The following LINGO2 variants were observed in gnomAD, a reference collection of about 807,000 sequenced individuals.
LINGO2 encodes the protein leucine-rich repeat and immunoglobulin-like domain-containing nogo receptor-interacting protein 2.
A neutral mutation model predicts 30.6 loss-of-function variants in LINGO2; 14 were observed. The observed-to-expected ratio is 0.46, with a 90% CI of 0.30 to 0.72. The LOEUF (loss-of-function observed/expected upper bound fraction) is 0.72, where lower values mean the gene tolerates loss of function less well. LINGO2 is among the 30% of genes least tolerant of loss of function. The pLI is 0.07. For synonymous variants in LINGO2, 317 were observed against 288.5 expected (o/e 1.10, Z -1.00); for missense variants, 729 against 751.7 (o/e 0.97, Z 0.35).
chr9:28,687,707 C>G, the LINGO2 span, among the ~76,000 whole-genome samples: 1 of 152,060 alleles, frequency 6.6e-6, no homozygotes, highest in Non-Finnish European at 1.5e-5. Flanking sequence ...AATGCATGCT[C>G]AAGCTCAATA....
chr9:28,610,435 A>C (rs1825867132), intron 1 of LINGO2, among the ~76,000 whole-genome samples: 1 of 152,120 alleles, frequency 6.6e-6, no homozygotes, highest in African/African-American at 2.4e-5. Context: ...CGTAATCCCC[A>C]ATGTACTAAT....
chr9:28,540,894 G>C (rs1335322002), intron 1 of LINGO2, among the ~76,000 whole-genome samples: 1 of 152,178 alleles, frequency 6.6e-6, no homozygotes, highest in Non-Finnish European at 1.5e-5. Flanking sequence ...ACTGTGATCA[G>C]AGTGTACATT....
chr9:28,945,493 C>T, the LINGO2 span, among the ~76,000 whole-genome samples: 26 of 152,176 alleles, frequency 1.7e-4, no homozygotes, highest in Admixed American at 1.4e-3. Context: ...TTAACAGTTA[C>T]GTAATAAAAT....
At chr9:28,630,456 G>A (rs909750949) in intron 1 of LINGO2, among the ~76,000 whole-genome samples, 5 of 151,860 alleles carry the variant, frequency 3.3e-5, no homozygotes, top group African/African-American at 4.8e-5. Context: ...TGTCACTGTT[G>A]AGTTTTTCTT....
chr9:28,869,441 G>C, the LINGO2 span, among the ~76,000 whole-genome samples: 2 of 151,962 alleles, frequency 1.3e-5, no homozygotes, highest in South Asian at 2.1e-4. Flanking sequence ...AACAAGGAGT[G>C]GGGGGAGGGG....
chr9:28,137,141 G>C (rs923569455), intron 4 of LINGO2, among the ~76,000 whole-genome samples: 1 of 151,506 alleles, frequency 6.6e-6, no homozygotes, highest in Admixed American at 6.6e-5. Flanking sequence ...ATAATCTTGT[G>C]AGCCAATACC....
At chr9:28,713,191 C>G in the LINGO2 span, among the ~76,000 whole-genome samples, 1 of 152,062 alleles carries the variant, frequency 6.6e-6, no homozygotes, top group Non-Finnish European at 1.5e-5. Context: ...CGCTTCAATA[C>G]TTATTTTTTT....
intron 2 of LINGO2, among the ~76,000 whole-genome samples, chr9:28,441,215 T>G (rs1824178948): frequency 7.2e-6 from 1 of 139,216 alleles, no homozygotes; most frequent in South Asian, 2.5e-4. Context: ...CAAAATGACC[T>G]TAGTCACAAG....
chr9:28,380,625 G>A (rs770368656), intron 2 of LINGO2, among the ~76,000 whole-genome samples: 2 of 151,984 alleles, frequency 1.3e-5, no homozygotes, highest in African/African-American at 2.4e-5. Context: ...ACACCATATC[G>A]TGGAGGTCAT....
At chr9:28,482,460 T>C (rs1826009861) in intron 1 of LINGO2, among the ~76,000 whole-genome samples, 1 of 152,128 alleles carries the variant, frequency 6.6e-6, no homozygotes, top group African/African-American at 2.4e-5. Flanking sequence ...TGCCCACTTT[T>C]TGATGGGGTT....
chr9:29,135,649 A>T, the LINGO2 span, among the ~76,000 whole-genome samples: 1 of 152,162 alleles, frequency 6.6e-6, no homozygotes, highest in East Asian at 1.9e-4. Flanking sequence ...AATTCTAATA[A>T]AATGCACATA....
chr9:28,921,601 G>A, the LINGO2 span, among the ~76,000 whole-genome samples: 1 of 152,180 alleles, frequency 6.6e-6, no homozygotes, highest in East Asian at 1.9e-4. Context: ...AGAAAACAGG[G>A]AAGGGAGCAC....
At chr9:28,757,461 T>C in the LINGO2 span, among the ~76,000 whole-genome samples, 1 of 152,092 alleles carries the variant, frequency 6.6e-6, no homozygotes, top group Non-Finnish European at 1.5e-5. Flanking sequence ...ATTGTGGTTA[T>C]GCTACTTACC....
intron 1 of LINGO2, among the ~76,000 whole-genome samples, chr9:28,630,155 T>A (rs1826867696): frequency 6.6e-6 from 1 of 152,106 alleles, no homozygotes; most frequent in East Asian, 1.9e-4. Flanking sequence ...GGCACATGTA[T>A]ACATATGTAA....
At chr9:27,979,610 G>A (rs1298654194) in intron 5 of LINGO2, among the ~76,000 whole-genome samples, 1 of 151,808 alleles carries the variant, frequency 6.6e-6, no homozygotes, top group Non-Finnish European at 1.5e-5. Flanking sequence ...CTACGTGAAT[G>A]AAAAAGGAAA....
chr9:29,145,167 C>T, the LINGO2 span, among the ~76,000 whole-genome samples: 1,882 of 152,176 alleles, frequency 0.012, 19 homozygotes, highest in Non-Finnish European at 0.019. Flanking sequence ...ATAAATCATC[C>T]TAAGAATCCC....
At chr9:28,465,776 T>A (rs575776830) in intron 2 of LINGO2, among the ~76,000 whole-genome samples, 2 of 152,200 alleles carry the variant, frequency 1.3e-5, no homozygotes, top group Non-Finnish European at 2.9e-5. Flanking sequence ...AAAAATTGAA[T>A]AATCCAGTCA....
rs571644067 is a variant in LINGO2, at chr9:28,163,355, T to A, written c.-87+131853A>T. ...TGAGTATGAACAGCATGCCAAGAGG[T>A]TAGTAATAACTAGACACTGATAACT... On this transcript the variant is annotated intron_variant, in intron 4 of 5. Coordinates refer to ENST00000379992, the Ensembl canonical transcript of LINGO2. Among the ~76,000 whole-genome samples, 6 of 152,234 alleles carry A rather than the reference T, an allele frequency of 3.9e-5. No homozygotes were observed. In the East Asian group the frequency reaches 1.2e-3, roughly 29 times the overall value.
chr9:28,169,596 C>T (rs957088189), intron 4 of LINGO2, among the ~76,000 whole-genome samples: 23 of 152,182 alleles, frequency 1.5e-4, no homozygotes, highest in Non-Finnish European at 2.6e-4. Context: ...TCTGATGTTA[C>T]GTAGTGAATA....
Sources: gnomAD v4.1 joint callset for allele counts (sites outside exome capture counted in the v4.1 genomes callset) on GRCh38, gnomAD v4.1.1 for gene constraint, MANE v1.5 for transcripts, NCBI Gene and HGNC (gene_info 2026-07-23, HGNC 2026-07-21) for gene names.